Variants in FAM199X observed in about 807,000 individuals in gnomAD.
FAM199X encodes the protein family with sequence similarity 199, X-linked.
A neutral mutation model predicts 22.9 loss-of-function variants in FAM199X; 4 were observed. The observed-to-expected ratio is 0.17, with a 90% confidence interval of 0.09 to 0.40. The LOEUF is 0.40. FAM199X is among the 10% of genes least tolerant of loss of function. The pLI is 1.00. For synonymous variants in FAM199X, 101 were observed against 112.3 expected (o/e 0.90, Z 0.64); for missense variants, 183 against 306.8 (o/e 0.60, Z 3.01).
At position 104,195,493 on chromosome X, in the gene FAM199X, C is replaced by T. The variant is rs2147901075; in HGVS notation, c.*5715C>T. On this transcript the variant is annotated 3_prime_UTR_variant, in exon 6 of 6. Coordinates refer to ENST00000493442, the MANE Select transcript of FAM199X (RefSeq NM_207318.4). ...AGCATTCATAGTAAGTGAAAATTGT[C>T]TAATTTTTTTAATCCATGCTATTAC... 9.0e-6 allele frequency: 1 copy of T among 111,380 alleles called. No homozygotes were observed. Among genetic ancestry groups the T allele is most frequent in the Non-Finnish European group, 1.9e-5 (1 of 52,997 alleles). 9.2% of individuals were successfully genotyped at this position (111,380 alleles called of 1,213,427 possible).
upstream of FAM199X, among the ~76,000 whole-genome samples, chrX:104,166,026 G>C (rs1023493285): frequency 4.9e-4 from 55 of 112,191 alleles, no homozygotes; most frequent in African/African-American, 1.7e-3. Context: ...GTGATCAAGG[G>C]TGAGGAAGGG....
chrX:104,178,005 T>C (rs1174712118), intron 2 of FAM199X, among the ~76,000 whole-genome samples: 2 of 111,956 alleles, frequency 1.8e-5, no homozygotes, highest in African/African-American at 6.5e-5. Flanking sequence ...TAAAAACCAC[T>C]GTGTAATCCA....
chrX:104,189,355 T>TA (rs1280730412), intron 5 of FAM199X, among the ~76,000 whole-genome samples: 2 of 111,740 alleles, frequency 1.8e-5, no homozygotes, highest in African/African-American at 6.5e-5. Context: ...AGTGACTTTT[T>TA]ATCTATCACT....
In FAM199X at chrX:104,172,115, A is replaced by C. The variant is rs781992224; in HGVS notation, c.198-3508A>C. Among the ~76,000 whole-genome samples the C allele has an allele frequency of 1.1e-4, 12 of 110,524 alleles. No homozygotes were observed. In the East Asian group the frequency reaches 3.1e-3, roughly 29 times the overall value. Reference sequence around the variant, plus strand: ...AAATTTGCAAATTAGAAGATATAAAAATTTTGCCAGGTGCATTGGTTCACA... The same window carrying C: ...AAATTTGCAAATTAGAAGATATAAACATTTTGCCAGGTGCATTGGTTCACA... On this transcript the variant is annotated intron_variant, in intron 1 of 5. Coordinates refer to ENST00000493442, the MANE Select transcript of FAM199X (RefSeq NM_207318.4).
chrX:104,184,212 A>T (rs1341081629), intron 2 of FAM199X, among the ~76,000 whole-genome samples: 1 of 112,348 alleles, frequency 8.9e-6, no homozygotes, highest in Non-Finnish European at 1.9e-5. Flanking sequence ...TGTACCTATT[A>T]TACTGCTGTG....
At chrX:104,186,882 G>A (rs1236606973) in intron 4 of FAM199X, among the ~76,000 whole-genome samples, 4 of 111,379 alleles carry the variant, frequency 3.6e-5, no homozygotes, top group African/African-American at 9.8e-5. Context: ...CACCATTTAC[G>A]GAGTGGTTAG....
intron 2 of FAM199X, among the ~76,000 whole-genome samples, chrX:104,178,444 G>A (rs1239858846): frequency 9.0e-6 from 1 of 111,411 alleles, no homozygotes; most frequent in Non-Finnish European, 1.9e-5. Flanking sequence ...TAGGATTACA[G>A]GTGCATTCTT....
chrX:104,185,062 A>T (rs1026721770), intron 2 of FAM199X, among the ~76,000 whole-genome samples: 3 of 77,937 alleles, frequency 3.8e-5, no homozygotes, highest in African/African-American at 1.6e-4. Flanking sequence ...AGGCATGATA[A>T]TTTTTTTTTT....
At chrX:104,186,384 T>C in intron 3 of FAM199X, 76 bp from the exon 4 acceptor site, 1 of 1,122,840 alleles carries the variant, frequency 8.9e-7, no homozygotes, top group Non-Finnish European at 1.2e-6. Context: ...TTCTGCTATG[T>C]AAACACATTA....
chrX:104,174,006 G>A (rs1340764522), intron 1 of FAM199X, among the ~76,000 whole-genome samples: 2 of 112,037 alleles, frequency 1.8e-5, no homozygotes, highest in East Asian at 2.8e-4. Flanking sequence ...CTGGTGCAGT[G>A]GCTCATGCCT....
intron 2 of FAM199X, among the ~76,000 whole-genome samples, chrX:104,176,819 T>G (rs1556376562): frequency 8.9e-6 from 1 of 112,124 alleles, no homozygotes; most frequent in African/African-American, 3.2e-5. Context: ...ATCCATTTCC[T>G]AATTATGGCT....
chrX:104,172,885 G>GA (rs1556375667), intron 1 of FAM199X, among the ~76,000 whole-genome samples: 2 of 111,320 alleles, frequency 1.8e-5, no homozygotes, highest in East Asian at 2.8e-4. Context: ...TGAATAAAGG[G>GA]AAAAAAATCA....
At chrX:104,178,954 C>G (rs1375011771) in intron 2 of FAM199X, among the ~76,000 whole-genome samples, 1 of 111,088 alleles carries the variant, frequency 9.0e-6, no homozygotes. Context: ...AAGGCAAAAC[C>G]CTGTGTCTTT....
At chrX:104,179,669 G>C (rs927518973) in intron 2 of FAM199X, among the ~76,000 whole-genome samples, 1 of 111,364 alleles carries the variant, frequency 9.0e-6, no homozygotes, top group Non-Finnish European at 1.9e-5. Flanking sequence ...TAGATCTCCT[G>C]TACAGTGTTG....
At chrX:104,161,624 C>T (rs191416501), upstream of FAM199X, among the ~76,000 whole-genome samples, 2 of 111,203 alleles carry the variant, frequency 1.8e-5, no homozygotes, top group African/African-American at 3.3e-5. Flanking sequence ...GGGCGGATCA[C>T]GAGGTTAGGA....
chrX:104,166,066 T>C (rs1921168310), upstream of FAM199X, among the ~76,000 whole-genome samples: 2 of 112,439 alleles, frequency 1.8e-5, no homozygotes, highest in African/African-American at 6.5e-5. Context: ...CGATTTCTCC[T>C]ACACCTCATT....
intron 1 of FAM199X, among the ~76,000 whole-genome samples, chrX:104,168,189 A>G (rs146863059): frequency 3.3e-4 from 37 of 112,698 alleles, no homozygotes; most frequent in African/African-American, 1.2e-3. Flanking sequence ...GAATATCAGT[A>G]TAACACATCT....
chrX:104,177,206 T>C (rs781815817), intron 2 of FAM199X, among the ~76,000 whole-genome samples: 2 of 111,945 alleles, frequency 1.8e-5, no homozygotes, highest in East Asian at 2.8e-4. Flanking sequence ...TTCATATCAA[T>C]GGATGAATAT....
the FAM199X span, among the ~76,000 whole-genome samples, chrX:104,158,933 T>C: frequency 8.9e-6 from 1 of 112,313 alleles, no homozygotes; most frequent in Non-Finnish European, 1.9e-5. Flanking sequence ...TGGGTTTGAA[T>C]TGCAGACAAA....
Sources: allele counts gnomAD v4.1 joint callset (sites outside exome capture counted in the v4.1 genomes callset), GRCh38; gene constraint gnomAD v4.1.1; transcripts MANE v1.5; gene names NCBI Gene and HGNC (gene_info 2026-07-23, HGNC 2026-07-21).